Variants in DOCK3 observed in about 807,000 individuals in gnomAD.
The protein encoded by DOCK3 is dedicator of cytokinesis protein 3.
A neutral mutation model predicts 265.6 loss-of-function variants in DOCK3; 60 were observed. That is an observed-to-expected ratio of 0.23 (90% CI 0.18 to 0.28). The LOEUF (loss-of-function observed/expected upper bound fraction) is 0.28, where lower values mean the gene tolerates loss of function less well. Among genes scored for constraint, DOCK3 ranks in the 10% least tolerant of loss-of-function variants. DOCK3 has a pLI of 1.00. For synonymous variants in DOCK3, 881 were observed against 938.0 expected (o/e 0.94, Z 1.11); for missense variants, 1,981 against 2,594.3 (o/e 0.76, Z 5.14).
chr3:51,293,110 A>C (rs1457645796), intron 27 of DOCK3, among the ~76,000 whole-genome samples: 1 of 152,200 alleles, frequency 6.6e-6, no homozygotes, highest in Admixed American at 6.5e-5. Flanking sequence ...TTCCTCACAG[A>C]AATAGAAAAA....
chr3:51,358,124 A>C, intron 46 of DOCK3, 47 bp downstream of exon 46: 1 of 1,587,742 alleles, frequency 6.3e-7, no homozygotes, highest in South Asian at 1.1e-5. Context: ...ACCAGGTGTC[A>C]CTTCCTCCAG....
intron 5 of DOCK3, among the ~76,000 whole-genome samples, chr3:50,996,789 C>T (rs769181954): frequency 1.3e-5 from 2 of 152,146 alleles, no homozygotes; most frequent in Non-Finnish European, 2.9e-5. Flanking sequence ...AAAATGCATA[C>T]GGAATCATTG....
intron 32 of DOCK3, among the ~76,000 whole-genome samples, chr3:51,321,891 T>C (rs1050644781): frequency 1.3e-5 from 2 of 152,112 alleles, no homozygotes; most frequent in Non-Finnish European, 2.9e-5. Flanking sequence ...TGGAACCAAG[T>C]TGGAAAACAC....
chr3:51,355,356 G>A (rs1296314748), intron 41 of DOCK3, among the ~76,000 whole-genome samples: 1 of 152,112 alleles, frequency 6.6e-6, no homozygotes, highest in Non-Finnish European at 1.5e-5. Context: ...CACTGTACAG[G>A]GTGACTTGGG....
At chr3:50,956,272 C>T (rs573190696) in intron 5 of DOCK3, among the ~76,000 whole-genome samples, 7 of 152,114 alleles carry the variant, frequency 4.6e-5, no homozygotes, top group South Asian at 2.1e-4. Context: ...ATAAGAAATA[C>T]GAAACTTTAG....
intron 9 of DOCK3, among the ~76,000 whole-genome samples, chr3:51,133,094 G>C (rs1335571652): frequency 6.6e-6 from 1 of 151,358 alleles, no homozygotes; most frequent in African/African-American, 2.5e-5. Flanking sequence ...GGTCCTGGCA[G>C]GTCCCTAGAG....
chr3:51,156,373 C>G (rs1323065233), intron 10 of DOCK3, among the ~76,000 whole-genome samples: 1 of 152,192 alleles, frequency 6.6e-6, no homozygotes, highest in Admixed American at 6.5e-5. Flanking sequence ...AAATCTAATT[C>G]CTGCCATGTA....
intron 3 of DOCK3, among the ~76,000 whole-genome samples, chr3:50,856,956 C>A (rs950870583): frequency 7.2e-5 from 11 of 151,968 alleles, no homozygotes; most frequent in Non-Finnish European, 1.3e-4. Flanking sequence ...TTTTCTAAAA[C>A]AAATTTATGT....
At chr3:50,686,539 C>T (rs566001527) in intron 1 of DOCK3, among the ~76,000 whole-genome samples, 8 of 152,278 alleles carry the variant, frequency 5.3e-5, no homozygotes, top group Middle Eastern at 6.8e-3. Flanking sequence ...GGAAGTAATG[C>T]TCAGACTCTT....
In DOCK3 at chr3:51,309,606, GGAGAGGGAGAGGGAGAGCGAGAGC is replaced by G. The variant is rs1252889868; in HGVS notation, c.2923-620_2923-597del. ...AGGGAGAGGGAGACCGTGGGGAGAG[GGAGAGGGAGAGGGAGAGCGAGAGC>G]GAGAGCGAGAGCGAGAGCGAGAGCT... is the stretch of plus-strand genomic sequence containing the variant. On this transcript the variant is annotated intron_variant, in intron 27 of 52. Coordinates refer to ENST00000266037, the MANE Select transcript of DOCK3 (RefSeq NM_004947.5). Among the ~76,000 whole-genome samples the G allele has an allele frequency of 6.8e-5, 9 of 132,438 alleles. No homozygotes were observed. In the East Asian group the frequency reaches 1.1e-3, roughly 17 times the overall value. 86.9% of individuals were successfully genotyped at this position (132,438 alleles called of 152,430 possible).
chr3:50,675,216 G>C lies in DOCK3; in HGVS notation c.-48G>C. On this transcript the variant is annotated 5_prime_UTR_variant, in exon 1 of 53. Transcript: ENST00000266037. The surrounding 1 kb of genome is among the most constrained non-coding windows in gnomAD (Gnocchi z 6.1). Reference sequence around the variant, plus strand: ...AGCCGGGCCCGCGGCCGTCCCCGCCGCGTTGTCGCCCGGTCGCCGCGCCCG... The same window carrying C: ...AGCCGGGCCCGCGGCCGTCCCCGCCCCGTTGTCGCCCGGTCGCCGCGCCCG... 9.0e-7 allele frequency: 1 copy of C among 1,115,274 alleles called. No homozygotes were observed. Among genetic ancestry groups the C allele is most frequent in the Non-Finnish European group, 1.1e-6 (1 of 908,186 alleles). The allele number at this position is 1,115,274 out of a possible 1,614,324, so 69.1% of individuals were successfully genotyped here.
At chr3:51,257,854 C>T (rs1231856913) in intron 22 of DOCK3, among the ~76,000 whole-genome samples, 1 of 152,208 alleles carries the variant, frequency 6.6e-6, no homozygotes, top group Non-Finnish European at 1.5e-5. Context: ...CTCTGCCCCG[C>T]TCTCCTTCCC....
intron 1 of DOCK3, among the ~76,000 whole-genome samples, chr3:50,738,806 C>A (rs1316126226): frequency 6.6e-6 from 1 of 152,054 alleles, no homozygotes; most frequent in Non-Finnish European, 1.5e-5. Context: ...TTCAGTATGT[C>A]TACTGTACCT....
At chr3:51,060,582 G>A (rs926567880) in intron 5 of DOCK3, among the ~76,000 whole-genome samples, 2 of 152,142 alleles carry the variant, frequency 1.3e-5, no homozygotes, top group African/African-American at 4.8e-5. Flanking sequence ...AAGGTGTAAG[G>A]AAGGGATCCA....
rs1351267771 is a variant in DOCK3, at chr3:51,356,950, G to A, written c.4504-12G>A. 6.2e-7 allele frequency: 1 copy of A among 1,607,808 alleles called. No homozygotes were observed. Among genetic ancestry groups the A allele is most frequent in the African/African-American group, 1.3e-5 (1 of 74,946 alleles). ...CATTTCTGGGATGACTCTGTGTGCT[G>A]TGTGCCCCTAGGTGGAGGTGAGCCC... On this transcript the variant is annotated splice_polypyrimidine_tract_variant and intron_variant, in intron 43 of 52. Transcript: ENST00000266037.
rs1229667778 is a variant in DOCK3, at chr3:50,837,259, A to G, written c.122-4416A>G. On this transcript the variant is annotated intron_variant, in intron 2 of 52. Coordinates refer to ENST00000266037, the MANE Select transcript of DOCK3 (RefSeq NM_004947.5). The stretch of plus-strand genomic sequence containing the variant: ...CAGCACCCTACACTCTGCAGTACCA[A>G]TTTAGTGTATTAGTCTGTTCTCATG... 2.6e-5 allele frequency among the ~76,000 whole-genome samples: 4 copies of G among 152,162 alleles called. No homozygotes were observed. In the East Asian group the frequency reaches 7.7e-4, roughly 29 times the overall value.
At chr3:50,963,936 T>G (rs983992455) in intron 5 of DOCK3, among the ~76,000 whole-genome samples, 2 of 152,212 alleles carry the variant, frequency 1.3e-5, no homozygotes, top group African/African-American at 4.8e-5. Context: ...CTCTGTGTAT[T>G]CAGCAGTGTG....
chr3:51,073,410 A>G (rs1460546472), intron 6 of DOCK3, among the ~76,000 whole-genome samples: 2 of 152,244 alleles, frequency 1.3e-5, no homozygotes, highest in Non-Finnish European at 2.9e-5. Flanking sequence ...TGCATGCTCT[A>G]AGTGTTAGAA....
intron 4 of DOCK3, chr3:50,901,087 C>G (rs1003589111): frequency 1.6e-4 from 44 of 279,812 alleles, no homozygotes; most frequent in African/African-American, 8.5e-4. Flanking sequence ...CCGCCCCTTC[C>G]CCTAGGTGCT....
Sources: gnomAD v4.1 joint callset for allele counts (sites outside exome capture counted in the v4.1 genomes callset) on GRCh38, gnomAD v4.1.1 for gene constraint, Gnocchi (gnomAD v3.1) non-coding constraint, MANE v1.5 for transcripts, NCBI Gene and HGNC (gene_info 2026-07-23, HGNC 2026-07-21) for gene names.